RELN: variants seen among roughly 807,000 people sequenced by gnomAD.
RELN encodes reelin.
In RELN, 108 loss-of-function variants were observed where a neutral mutation model predicts 427.6. The ratio of observed to expected loss-of-function variants is 0.25; its 90% CI spans 0.22 to 0.30. The LOEUF is 0.30. Ranked by LOEUF, RELN falls within the 10% of genes least tolerant of loss-of-function variation. The probability of loss-of-function intolerance (pLI) is 1.00; values close to 1 mark genes in which losing one functional copy is unlikely to be tolerated. For synonymous variants in RELN, 1,524 were observed against 1,513.4 expected (o/e 1.01, Z -0.16); for missense variants, 3,715 against 4,302.8 (o/e 0.86, Z 3.82).
chr7:103,507,455 G>A (rs1268223128), intron 51 of RELN, among the ~76,000 whole-genome samples: 1 of 152,136 alleles, frequency 6.6e-6, no homozygotes, highest in Non-Finnish European at 1.5e-5. Flanking sequence ...CGAAATGAAG[G>A]CAGAAATAAA....
intron 1 of RELN, among the ~76,000 whole-genome samples, chr7:103,965,623 C>T (rs1054970770): frequency 1.3e-5 from 2 of 152,136 alleles, no homozygotes; most frequent in African/African-American, 4.8e-5. Context: ...TCCATTTGGG[C>T]ATCGAAAATT....
At chr7:103,848,326 C>G (rs973824659) in intron 2 of RELN, among the ~76,000 whole-genome samples, 1 of 152,156 alleles carries the variant, frequency 6.6e-6, no homozygotes, top group Non-Finnish European at 1.5e-5. Flanking sequence ...GCCCTGGGTA[C>G]AGCTATTGAC....
Position 103,636,460 on chromosome 7 carries a change from G to T in RELN, c.2078C>A (p.Pro693His). The T allele has an allele frequency of 6.2e-7, 1 of 1,602,710 alleles. No individual in the cohort carries two copies. The highest frequency in any genetic ancestry group is 8.5e-7 in the Non-Finnish European group (1 of 1,169,902). ...QCTRHGCKCD[P>H]GFSGPACEMA... ...CTCACAAGCTGGGCCAGAAAATCCAGGGTCACACCTGAAAGAAATATGGTG... is the reference window on the plus strand; with the variant it reads ...CTCACAAGCTGGGCCAGAAAATCCATGGTCACACCTGAAAGAAATATGGTG... The change falls in exon 18 of 65, where the codon CCT (proline) becomes CAT (histidine). Residue 693 changes from proline to histidine, a missense_variant. Coordinates refer to ENST00000428762, the MANE Select transcript of RELN (RefSeq NM_005045.4).
At position 103,836,017 on chromosome 7, in the gene RELN, G is replaced by A. The variant is rs137873696; in HGVS notation, c.338-2345C>T. ...GTCACCCAGGCTAGAGCGCAATGGT[G>A]CAACCTTGGCTTACTGCAACCTGCA... On this transcript the variant is annotated intron_variant, in intron 2 of 64. Transcript: ENST00000428762. Among the ~76,000 whole-genome samples, 1,266 of 149,604 alleles carry A rather than the reference G, an allele frequency of 8.5e-3. 14 individuals carry two copies. The highest frequency in any genetic ancestry group is 0.029 in the African/African-American group (1,175 of 40,344).
chr7:103,523,984 A>C (rs965181341), intron 46 of RELN, among the ~76,000 whole-genome samples: 1 of 152,188 alleles, frequency 6.6e-6, no homozygotes, highest in Non-Finnish European at 1.5e-5. Context: ...GCTGGCCATT[A>C]TTACAATATT....
intron 2 of RELN, among the ~76,000 whole-genome samples, chr7:103,856,466 G>T (rs1318935067): frequency 6.6e-6 from 1 of 151,514 alleles, no homozygotes; most frequent in Non-Finnish European, 1.5e-5. Flanking sequence ...CTACTTGGGA[G>T]GCTGAGGCAG....
At chr7:103,902,302 A>G (rs1290623525) in intron 2 of RELN, among the ~76,000 whole-genome samples, 1 of 152,100 alleles carries the variant, frequency 6.6e-6, no homozygotes, top group Non-Finnish European at 1.5e-5. Context: ...TATAAAAGTC[A>G]GGTTAAAAAA....
chr7:103,824,498 C>T lies in RELN; in HGVS notation c.473+9039G>A, dbSNP rs1793082956. Among the ~76,000 whole-genome samples the T allele has an allele frequency of 6.6e-6, 1 of 152,012 alleles. No homozygotes were observed. ...CCAGGCCCCATATAGGTTAAAACTC[C>T]AGATCTAGGACCTAAATCAGGTTTA... On this transcript the variant is annotated intron_variant, in intron 3 of 64. Transcript: ENST00000428762. The surrounding 1 kb of genome is among the most constrained non-coding windows in gnomAD (Gnocchi z 4.4).
chr7:103,490,002 GC>G, intron 59 of RELN, 103 bp from the exon 60 acceptor site: 2 of 1,385,866 alleles, frequency 1.4e-6, no homozygotes, highest in South Asian at 2.4e-5. Context: ...TGAGAAAAGG[GC>G]TTCCCAAATG....
chr7:103,929,442 T>C (rs1795813850), intron 1 of RELN, among the ~76,000 whole-genome samples: 1 of 152,146 alleles, frequency 6.6e-6, no homozygotes. Flanking sequence ...AAACACTAAA[T>C]TAGCAAATAT....
At chr7:103,904,237 T>G (rs146307332) in intron 2 of RELN, among the ~76,000 whole-genome samples, 3 of 152,306 alleles carry the variant, frequency 2.0e-5, no homozygotes, top group Admixed American at 1.3e-4. Flanking sequence ...TACCACATTT[T>G]CCTTATCTAG....
At chr7:103,821,659 A>C (rs262358) in intron 3 of RELN, among the ~76,000 whole-genome samples, 149,621 of 152,220 alleles carry the variant, frequency 0.98, 73,579 homozygotes, top group South Asian at 1. Flanking sequence ...TGCCTGCAGG[A>C]GGATTTAGAA....
intron 7 of RELN, among the ~76,000 whole-genome samples, chr7:103,725,461 A>G (rs13310880): frequency 1.6e-4 from 1 of 6,152 alleles, no homozygotes; most frequent in Non-Finnish European, 3.6e-4. Context: ...AGGCTGAGGC[A>G]GGAGGCTGAG....
chr7:103,985,743 T>C (rs1797084039), intron 1 of RELN, among the ~76,000 whole-genome samples: 1 of 152,046 alleles, frequency 6.6e-6, no homozygotes, highest in South Asian at 2.1e-4. Flanking sequence ...GCAAACAAAA[T>C]GGATGGTAGA....
intron 1 of RELN, among the ~76,000 whole-genome samples, chr7:103,952,596 G>T (rs531820722): frequency 6.6e-6 from 1 of 151,600 alleles, no homozygotes; most frequent in Non-Finnish European, 1.5e-5. Flanking sequence ...GACACTAAAA[G>T]AAAATCTCTG....
At chr7:103,639,701 C>T (rs1455155156) in intron 17 of RELN, among the ~76,000 whole-genome samples, 3 of 152,012 alleles carry the variant, frequency 2.0e-5, no homozygotes, top group Non-Finnish European at 4.4e-5. Flanking sequence ...GCCCAGCCTA[C>T]AATTTCTAAA....
intron 52 of RELN, among the ~76,000 whole-genome samples, chr7:103,502,272 T>G (rs1405030861): frequency 6.6e-6 from 1 of 152,226 alleles, no homozygotes; most frequent in African/African-American, 2.4e-5. Context: ...GTAATAATAA[T>G]AATAATAATA....
chr7:103,478,542 T>C, intron 63 of RELN, 148 bp from the exon 64 acceptor site: 1 of 671,834 alleles, frequency 1.5e-6, no homozygotes. Flanking sequence ...AAATAAAAAT[T>C]AAAGAAGTTA....
At position 103,917,182 on chromosome 7, in the gene RELN, G is replaced by A. The variant is rs150587706; in HGVS notation, c.230C>T (p.Thr77Ile). 8 of 1,610,818 alleles carry A rather than the reference G, an allele frequency of 5.0e-6. No homozygotes were observed. Among genetic ancestry groups the A allele is most frequent in the Non-Finnish European group, 6.8e-6 (8 of 1,177,556 alleles). ...GTCAAAAAAGGTGCTTGTTGAAATT[G>A]TCACTGAAATGTAAGAAAGAAAAAA... ...YYVPGQEYHVTISTSTFFDGL... is the reference protein window; with the variant it reads ...YYVPGQEYHVIISTSTFFDGL... The change falls in exon 2 of 65, where the codon ACA becomes ATA. Residue 77 changes from threonine (T) to isoleucine (I), a missense_variant. Thr to Ile is a moderately conservative substitution (Grantham distance 89). This residue lies in a region of RELN where 2,208 missense variants were observed against 2,361.7 expected (regional missense o/e 0.93). Transcript: ENST00000428762.
Sources: gnomAD v4.1 joint callset for allele counts (sites outside exome capture counted in the v4.1 genomes callset) on GRCh38, gnomAD v4.1.1 for gene constraint, gnomAD v4.1.1 regional missense constraint, Gnocchi (gnomAD v3.1) non-coding constraint, MANE v1.5 for transcripts, NCBI Gene and HGNC (gene_info 2026-07-23, HGNC 2026-07-21) for gene names.